Variants in KCNQ3 observed in about 807,000 individuals in gnomAD.
KCNQ3 encodes the protein potassium voltage-gated channel subfamily KQT member 3.
In KCNQ3, 30 loss-of-function variants were observed where a neutral mutation model predicts 92.5. The observed-to-expected ratio is 0.32, with a 90% CI of 0.24 to 0.44. The LOEUF is 0.44. KCNQ3 is among the 20% of genes least tolerant of loss of function. The pLI is 1.00. For synonymous variants in KCNQ3, 450 were observed against 468.8 expected (o/e 0.96, Z 0.52); for missense variants, 913 against 1,140.3 (o/e 0.80, Z 2.87).
chr8:132,454,031 C>G (rs749577091), intron 1 of KCNQ3, among the ~76,000 whole-genome samples: 2 of 151,966 alleles, frequency 1.3e-5, no homozygotes, highest in Non-Finnish European at 2.9e-5. Context: ...TCATGCCTAA[C>G]ACCATGCCTG....
chr8:132,155,170 A>G (rs1272604060), intron 9 of KCNQ3, among the ~76,000 whole-genome samples: 2 of 152,124 alleles, frequency 1.3e-5, no homozygotes, highest in Non-Finnish European at 2.9e-5. Flanking sequence ...CAGCTGACAC[A>G]TCTGCTCCTC....
At chr8:132,228,968 T>G (rs570686792) in intron 1 of KCNQ3, among the ~76,000 whole-genome samples, 11 of 146,884 alleles carry the variant, frequency 7.5e-5, no homozygotes, top group African/African-American at 2.9e-4. Flanking sequence ...TAAAAATCTT[T>G]CTGGAGGCTG....
At position 132,141,154 on chromosome 8, in the gene KCNQ3, G is replaced by C; in HGVS notation, c.1440C>G (p.Ala480=). Residue 480 remains alanine, a synonymous_variant, in exon 10 of 15, where the codon GCC becomes GCG. Coordinates refer to ENST00000388996, the MANE Select transcript of KCNQ3 (RefSeq NM_004519.4). ...ERFRTAFRMK[A]YAFWQSSEDA... is the part of the protein sequence containing the mutation. Reference sequence around the variant, plus strand: ...CTTCAGAACTCTGCCAGAAAGCGTAGGCTTTCATGCGGAAGGCCGTGCGGA... The same window carrying C: ...CTTCAGAACTCTGCCAGAAAGCGTACGCTTTCATGCGGAAGGCCGTGCGGA... 1.2e-6 allele frequency: 2 copies of C among 1,614,172 alleles called. No homozygotes were observed. Among genetic ancestry groups the C allele is most frequent in the South Asian group, 1.1e-5 (1 of 91,086 alleles).
At chr8:132,266,829 A>T (rs1815997316) in intron 1 of KCNQ3, among the ~76,000 whole-genome samples, 1 of 152,134 alleles carries the variant, frequency 6.6e-6, no homozygotes, top group Non-Finnish European at 1.5e-5. Flanking sequence ...CACAGTTGGA[A>T]AACTTCTGTT....
intron 1 of KCNQ3, among the ~76,000 whole-genome samples, chr8:132,431,868 G>A (rs936190767): frequency 1.3e-5 from 2 of 152,138 alleles, no homozygotes; most frequent in African/African-American, 4.8e-5. Flanking sequence ...CCAGGCACCT[G>A]CTGAACTCTT....
chr8:132,178,561 C>A (rs1279573053), intron 4 of KCNQ3, among the ~76,000 whole-genome samples: 1 of 152,128 alleles, frequency 6.6e-6, no homozygotes, highest in African/African-American at 2.4e-5. Flanking sequence ...ATTGAGGAGG[C>A]TCATTAAAAT....
intron 1 of KCNQ3, among the ~76,000 whole-genome samples, chr8:132,417,059 G>C (rs1820825653): frequency 6.6e-6 from 1 of 152,216 alleles, no homozygotes; most frequent in Non-Finnish European, 1.5e-5. Context: ...TCTGCCCAAA[G>C]AAACTGAGCA....
intron 1 of KCNQ3, among the ~76,000 whole-genome samples, chr8:132,374,480 G>A (rs939785297): frequency 2.1e-4 from 32 of 152,068 alleles, no homozygotes; most frequent in African/African-American, 7.0e-4. Context: ...ACTGCCCCCC[G>A]CTGGCACTTG....
At chr8:132,466,231 G>GA (rs1304216169) in intron 1 of KCNQ3, among the ~76,000 whole-genome samples, 2 of 151,570 alleles carry the variant, frequency 1.3e-5, no homozygotes, top group Non-Finnish European at 2.9e-5. Context: ...TAATGAGGGG[G>GA]AAAAAACACT....
chr8:132,389,769 A>G (rs963721618), intron 1 of KCNQ3, among the ~76,000 whole-genome samples: 1 of 152,226 alleles, frequency 6.6e-6, no homozygotes, highest in Non-Finnish European at 1.5e-5. Context: ...AACCATTAAC[A>G]ACATGAAAGA....
chr8:132,216,462 C>T (rs1814032902), intron 1 of KCNQ3, among the ~76,000 whole-genome samples: 1 of 152,176 alleles, frequency 6.6e-6, no homozygotes. Context: ...AACCTGATCC[C>T]TCCCCAGCCC....
At chr8:132,478,152 T>C (rs1390357540) in intron 1 of KCNQ3, among the ~76,000 whole-genome samples, 1 of 152,220 alleles carries the variant, frequency 6.6e-6, no homozygotes, top group Non-Finnish European at 1.5e-5. Flanking sequence ...TCCTGGATCC[T>C]TTTTGGGAAA....
At chr8:132,281,394 A>G (rs1816507292) in intron 1 of KCNQ3, among the ~76,000 whole-genome samples, 1 of 152,160 alleles carries the variant, frequency 6.6e-6, no homozygotes, top group Non-Finnish European at 1.5e-5. Context: ...AACTCCATAG[A>G]AAATTATATA....
chr8:132,480,678 C>CCT lies in KCNQ3; in HGVS notation c.-147_-146insAG. 1.1e-6 allele frequency: 1 copy of CCT among 900,236 alleles called. No homozygotes were observed. The highest frequency in any genetic ancestry group is 1.4e-6 in the Non-Finnish European group (1 of 740,236). 55.8% of individuals were successfully genotyped at this position (900,236 alleles called of 1,614,324 possible). The stretch of plus-strand genomic sequence containing the variant: ...TCCGCGCGCCCCTCCCCACCCCCCC[C>CCT]CAAAAGCAGGCAAAGGCGGGCCCCC... On this transcript the variant is annotated 5_prime_UTR_variant, in exon 1 of 15. Transcript: ENST00000388996.
At chr8:132,465,831 G>C (rs962302186) in intron 1 of KCNQ3, among the ~76,000 whole-genome samples, 2 of 152,118 alleles carry the variant, frequency 1.3e-5, no homozygotes, top group African/African-American at 4.8e-5. Context: ...GGACTGCTTT[G>C]AGCCCAGGAG....
At chr8:132,264,470 G>A (rs1277818570) in intron 1 of KCNQ3, among the ~76,000 whole-genome samples, 1 of 152,216 alleles carries the variant, frequency 6.6e-6, no homozygotes, top group Admixed American at 6.5e-5. Flanking sequence ...TGAGTGTAGT[G>A]GGCAGGCATG....
chr8:132,430,482 A>G (rs1821219285), intron 1 of KCNQ3, among the ~76,000 whole-genome samples: 1 of 152,226 alleles, frequency 6.6e-6, no homozygotes, highest in Non-Finnish European at 1.5e-5. Context: ...GATGTTGAGC[A>G]GGTCATTTCC....
At position 132,121,755 on chromosome 8, in the gene KCNQ3, C is replaced by CAT. The variant is rs1824475703; in HGVS notation, c.*7506_*7507insAT. Reference sequence around the variant, plus strand: ...GACAAAAGACCAGAGTCAGCAGAGACGTGGAGATATTTGAACTTGTTTGGT... The same window carrying CAT: ...GACAAAAGACCAGAGTCAGCAGAGACATGTGGAGATATTTGAACTTGTTTGGT... On this transcript the variant is annotated 3_prime_UTR_variant, in exon 15 of 15. Transcript: ENST00000388996. 1 of 152,106 alleles carries CAT rather than the reference C, an allele frequency of 6.6e-6. No individual in the cohort carries two copies. Among genetic ancestry groups the CAT allele is most frequent in the Non-Finnish European group, 1.5e-5 (1 of 68,046 alleles). The allele number at this position is 152,106 out of a possible 1,614,324, so 9.4% of individuals were successfully genotyped here.
At chr8:132,312,496 AG>A (rs986322971) in intron 1 of KCNQ3, among the ~76,000 whole-genome samples, 3 of 151,974 alleles carry the variant, frequency 2.0e-5, no homozygotes, top group East Asian at 3.9e-4. Flanking sequence ...CTTCAAGTGC[AG>A]GGGGTTGAGG....
Sources: gnomAD v4.1 joint callset for allele counts (sites outside exome capture counted in the v4.1 genomes callset) on GRCh38, gnomAD v4.1.1 for gene constraint, MANE v1.5 for transcripts, NCBI Gene and HGNC (gene_info 2026-07-23, HGNC 2026-07-21) for gene names.